The following VIPR2 variants were observed in gnomAD, a reference collection of about 807,000 sequenced individuals.
VIPR2 encodes the protein vasoactive intestinal polypeptide receptor 2.
VIPR2 carries 48 observed loss-of-function variants against 58.0 expected under a neutral mutation model. That is an observed-to-expected ratio of 0.83 (90% CI 0.66 to 1.05). The LOEUF is 1.05. Ranked by LOEUF, VIPR2 falls within the 50% of genes least tolerant of loss-of-function variation. The pLI is 0.00. For synonymous variants in VIPR2, 243 were observed against 235.2 expected (o/e 1.03, Z -0.30); for missense variants, 534 against 558.0 (o/e 0.96, Z 0.43).
chr7:159,034,009 A>G (rs1853749079), intron 10 of VIPR2, among the ~76,000 whole-genome samples: 1 of 152,116 alleles, frequency 6.6e-6, no homozygotes, highest in Admixed American at 6.6e-5. Flanking sequence ...CAAATTTTGG[A>G]GTGATTTGTT....
chr7:159,035,639 G>A, intron 8 of VIPR2: 1 of 964,248 alleles, frequency 1.0e-6, no homozygotes, highest in Non-Finnish European at 1.2e-6. Context: ...AACATGCAGG[G>A]CACTTGGCTT....
rs1857911351 is a variant in VIPR2 at position 159,097,178 on chromosome 7, G to A, written c.357+6579C>T. On this transcript the variant is annotated intron_variant, in intron 4 of 12. Coordinates refer to ENST00000262178, the MANE Select transcript of VIPR2 (RefSeq NM_003382.5). The surrounding 1 kb of genome is among the most constrained non-coding windows in gnomAD (Gnocchi z 5.3). ...CAGCTGCTGTGATCTTTGTCACCAG[G>A]GATGGGAGCCCTGGGGAGTGAAGTT... 6.9e-7 allele frequency: 1 copy of A among 1,442,824 alleles called. No individual in the cohort carries two copies. The highest frequency in any genetic ancestry group is 2.7e-5 in the Admixed American group (1 of 36,442). The allele number at this position is 1,442,824 out of a possible 1,614,324, so 89.4% of individuals were successfully genotyped here. A position where few individuals can be genotyped will look rare whatever the true frequency, so the allele number is the denominator to read the frequency against.
At chr7:159,053,001 A>G (rs1236528469) in intron 5 of VIPR2, among the ~76,000 whole-genome samples, 1 of 152,250 alleles carries the variant, frequency 6.6e-6, no homozygotes, top group African/African-American at 2.4e-5. Context: ...CTTCTATTCA[A>G]CATTGTACTT....
intron 5 of VIPR2, among the ~76,000 whole-genome samples, chr7:159,053,406 TAAAG>T (rs1423649131): frequency 1.3e-5 from 2 of 152,162 alleles, no homozygotes; most frequent in African/African-American, 4.8e-5. Context: ...ACTGAGAAAT[TAAAG>T]AAAACCAAAA....
intron 4 of VIPR2, among the ~76,000 whole-genome samples, chr7:159,069,476 G>T (rs138656742): frequency 9.6e-4 from 146 of 152,282 alleles, no homozygotes; most frequent in African/African-American, 3.4e-3. Flanking sequence ...CACCACAATT[G>T]TCTGGCCAGT....
rs377111470 is a variant in VIPR2 at position 159,031,411 on chromosome 7, C to T, written c.1143+417G>A. The T allele has an allele frequency of 2.8e-5, 28 of 982,960 alleles. No homozygotes were observed. In the East Asian group the frequency reaches 1.1e-3, roughly 40 times the overall value. The allele number at this position is 982,960 out of a possible 1,614,324, so 60.9% of individuals were successfully genotyped here. ...CTGGGAATGAACGCAGGGCAGAGCTCGGCTCCGGGCTTCCTCCCCAGGGAC... is the reference window on the plus strand; with the variant it reads ...CTGGGAATGAACGCAGGGCAGAGCTTGGCTCCGGGCTTCCTCCCCAGGGAC... On this transcript the variant is annotated intron_variant, in intron 12 of 12. Coordinates refer to ENST00000262178, the MANE Select transcript of VIPR2 (RefSeq NM_003382.5). This position sits in a 1 kb window ranked among gnomAD's most constrained non-coding sequence, Gnocchi z 4.0.
At chr7:159,063,408 C>A (rs890275547) in intron 4 of VIPR2, among the ~76,000 whole-genome samples, 1 of 152,008 alleles carries the variant, frequency 6.6e-6, no homozygotes, top group Non-Finnish European at 1.5e-5. Flanking sequence ...TGCCCGGGGC[C>A]GGCAGCGCCG....
chr7:159,073,700 T>C (rs778753614), intron 4 of VIPR2, among the ~76,000 whole-genome samples: 5 of 152,136 alleles, frequency 3.3e-5, no homozygotes, highest in Non-Finnish European at 7.4e-5. Flanking sequence ...TGAGCCACCG[T>C]GCTCAGCCTA....
At chr7:159,059,795 CACCTA>C (rs975610956) in intron 4 of VIPR2, among the ~76,000 whole-genome samples, 5 of 151,228 alleles carry the variant, frequency 3.3e-5, no homozygotes, top group African/African-American at 1.2e-4. Context: ...ACCCTCACCT[CACCTA>C]ACCATCACAT....
At chr7:159,068,763 T>C (rs1001267603) in intron 4 of VIPR2, among the ~76,000 whole-genome samples, 10 of 152,244 alleles carry the variant, frequency 6.6e-5, no homozygotes, top group Non-Finnish European at 1.5e-4. Context: ...CAGCTGTGAC[T>C]GAGGCCACTG....
chr7:159,142,637 A>C, intron 1 of VIPR2, 92 bp from the exon 2 acceptor site: 30 of 838,586 alleles, frequency 3.6e-5, no homozygotes, highest in Non-Finnish European at 5.6e-5. Context: ...CCCAAACCTC[A>C]CAGCTTTAAA....
chr7:159,059,180 G>A (rs1338194734), intron 4 of VIPR2: 7 of 467,592 alleles, frequency 1.5e-5, no homozygotes, highest in Non-Finnish European at 3.1e-5. Context: ...TCATCATGGT[G>A]GCAGAATCAC....
rs1354844580 is a variant in VIPR2 at position 159,029,250 on chromosome 7, C to T, written c.*1366G>A. On this transcript the variant is annotated 3_prime_UTR_variant, in exon 13 of 13. Coordinates refer to ENST00000262178, the MANE Select transcript of VIPR2 (RefSeq NM_003382.5). ...ATGTGCTCAGAACAACTGAGTCCCA[C>T]AGTCGGGGCACCTGGGCCAGGGCTG... 1 of 152,376 alleles carries T rather than the reference C, an allele frequency of 6.6e-6. No individual in the cohort carries two copies. The highest frequency in any genetic ancestry group is 1.5e-5 in the Non-Finnish European group (1 of 68,202). 9.4% of individuals were successfully genotyped at this position (152,376 alleles called of 1,614,324 possible).
rs568563629 is a variant in VIPR2, at chr7:159,050,496, C to T, written c.456-7320G>A. On this transcript the variant is annotated intron_variant, in intron 5 of 12. Transcript: ENST00000262178. ...ATTTTATTAGATAATAAAATTAAGA[C>T]AATCAAATAGAAAATTTAAAACTTA... Among the ~76,000 whole-genome samples the T allele has an allele frequency of 2.2e-3, 339 of 150,930 alleles. 1 individual carries two copies. The highest frequency in any genetic ancestry group is 7.9e-3 in the African/African-American group (324 of 41,200).
chr7:159,085,845 G>A (rs2129495095), intron 4 of VIPR2, among the ~76,000 whole-genome samples: 1 of 152,304 alleles, frequency 6.6e-6, no homozygotes, highest in Middle Eastern at 3.4e-3. Flanking sequence ...GTTGCCAGGG[G>A]CTGGGGAAGG....
Position 159,135,655 on chromosome 7 carries a change from T to C in VIPR2, c.151+6791A>G, listed in dbSNP as rs376265204. ...CTGGCCAACATGGTGAAACCCCATC[T>C]CTACTAAAAATACAAAAATTAGCTG... On this transcript the variant is annotated intron_variant, in intron 2 of 12. Coordinates refer to ENST00000262178, the MANE Select transcript of VIPR2 (RefSeq NM_003382.5). Among the ~76,000 whole-genome samples, 71 of 151,350 alleles carry C rather than the reference T, an allele frequency of 4.7e-4. 4 individuals carry two copies. The South Asian group carries it at 0.014, about 30-fold the overall frequency.
rs3793227 is a variant in VIPR2 at position 159,093,237 on chromosome 7, A to G, written c.357+10520T>C. Among the ~76,000 whole-genome samples the G allele has an allele frequency of 0.14, 21,765 of 152,154 alleles. 1,770 individuals carry two copies. The highest frequency in any genetic ancestry group is 0.17 in the Non-Finnish European group (11,601 of 67,998). ...TTTAAAAACACTGTAGACTTTGAGA[A>G]CTTTGTGTGCTCATTTACTTTTCCT... On this transcript the variant is annotated intron_variant, in intron 4 of 12. Coordinates refer to ENST00000262178, the MANE Select transcript of VIPR2 (RefSeq NM_003382.5). The surrounding 1 kb of genome is among the most constrained non-coding windows in gnomAD (Gnocchi z 6.7).
chr7:159,137,200 C>G (rs148387921), intron 2 of VIPR2, among the ~76,000 whole-genome samples: 3 of 152,094 alleles, frequency 2.0e-5, no homozygotes, highest in African/African-American at 7.2e-5. Context: ...GCAACAGCTC[C>G]GTTCTTCCCA....
In VIPR2 at chr7:159,038,331, G is replaced by A. The variant is rs183528852; in HGVS notation, c.598-1429C>T. 3.8e-3 allele frequency among the ~76,000 whole-genome samples: 576 copies of A among 152,260 alleles called. 4 individuals carry two copies. The highest frequency in any genetic ancestry group is 0.013 in the African/African-American group (539 of 41,546). On this transcript the variant is annotated intron_variant, in intron 6 of 12. Transcript: ENST00000262178. ...TGGGTGCTTCATTTTCTGAGACACTGCACAGGTGAGAGTTACCCTTATTGT... is the reference window on the plus strand; with the variant it reads ...TGGGTGCTTCATTTTCTGAGACACTACACAGGTGAGAGTTACCCTTATTGT...
Sources: allele counts gnomAD v4.1 joint callset (sites outside exome capture counted in the v4.1 genomes callset), GRCh38; gene constraint gnomAD v4.1.1; non-coding constraint Gnocchi (gnomAD v3.1); transcripts MANE v1.5; gene names NCBI Gene and HGNC (gene_info 2026-07-23, HGNC 2026-07-21).